The following ZNF804A variants were observed in gnomAD, a reference collection of about 807,000 sequenced individuals.
ZNF804A encodes zinc finger protein 804A.
Under a neutral mutation model 16.5 loss-of-function variants are expected in ZNF804A, and 2 were observed. That is an observed-to-expected ratio of 0.12 (90% confidence interval 0.05 to 0.38). The LOEUF is 0.38. Among genes scored for constraint, ZNF804A ranks in the 10% least tolerant of loss-of-function variants. The pLI, the probability that ZNF804A is intolerant of heterozygous loss-of-function variation, is 0.99. For synonymous variants in ZNF804A, 534 were observed against 489.6 expected, an observed-to-expected ratio of 1.09 and a Z score of -1.20; for missense variants, 1,473 against 1,390.7, an observed-to-expected ratio of 1.06 and a Z score of -0.94.
intron 2 of ZNF804A, among the ~76,000 whole-genome samples, chr2:184,892,060 G>T (rs1414783728): frequency 6.6e-6 from 1 of 152,108 alleles, no homozygotes. Context: ...CTTTATACGT[G>T]GGTAACATAG....
chr2:184,825,838 TC>T (rs1395360841), intron 1 of ZNF804A, among the ~76,000 whole-genome samples: 4 of 152,154 alleles, frequency 2.6e-5, no homozygotes, highest in African/African-American at 9.6e-5. Context: ...TGTGTATGCA[TC>T]CATGCCTTTT....
At chr2:184,867,030 T>C (rs770601805) in intron 2 of ZNF804A, among the ~76,000 whole-genome samples, 2 of 151,830 alleles carry the variant, frequency 1.3e-5, no homozygotes, top group Non-Finnish European at 2.9e-5. Flanking sequence ...AGGTTATTGA[T>C]TGAGTACTTA....
At chr2:184,735,699 G>T (rs556692141) in intron 1 of ZNF804A, among the ~76,000 whole-genome samples, 46 of 152,256 alleles carry the variant, frequency 3.0e-4, no homozygotes, top group East Asian at 7.7e-4. Flanking sequence ...CAGAGAAATT[G>T]CTCTTTAGCA....
chr2:184,737,205 C>T (rs1278586142), intron 1 of ZNF804A, among the ~76,000 whole-genome samples: 6 of 151,578 alleles, frequency 4.0e-5, no homozygotes, highest in Admixed American at 3.9e-4. Flanking sequence ...CACAGGCAAT[C>T]GCCACCATGC....
At chr2:184,649,481 C>A (rs1054400571) in intron 1 of ZNF804A, among the ~76,000 whole-genome samples, 5 of 151,544 alleles carry the variant, frequency 3.3e-5, no homozygotes, top group Admixed American at 2.0e-4. Context: ...TTAACAAAAC[C>A]AAAGCTTGGT....
At chr2:184,769,975 A>C (rs1036493190) in intron 1 of ZNF804A, among the ~76,000 whole-genome samples, 17 of 152,146 alleles carry the variant, frequency 1.1e-4, no homozygotes, top group Admixed American at 1.1e-3. Flanking sequence ...ACAAAGATAC[A>C]TAAATATTTT....
chr2:184,863,528 C>A (rs750418972), intron 1 of ZNF804A, among the ~76,000 whole-genome samples: 1 of 150,934 alleles, frequency 6.6e-6, no homozygotes, highest in Non-Finnish European at 1.5e-5. Flanking sequence ...CCAATTATTG[C>A]TTCTCTAGAG....
chr2:184,610,733 T>G (rs955999881), intron 1 of ZNF804A, among the ~76,000 whole-genome samples: 3 of 152,136 alleles, frequency 2.0e-5, no homozygotes, highest in Admixed American at 1.3e-4. Flanking sequence ...CATTTATAGT[T>G]GAGAAGAAAA....
chr2:184,729,295 C>A (rs1047597891), intron 1 of ZNF804A, among the ~76,000 whole-genome samples: 1 of 151,616 alleles, frequency 6.6e-6, no homozygotes, highest in Non-Finnish European at 1.5e-5. Flanking sequence ...TAAATATATA[C>A]AATTTTTACT....
intron 1 of ZNF804A, among the ~76,000 whole-genome samples, chr2:184,865,531 A>G (rs1268300895): frequency 6.6e-6 from 1 of 152,088 alleles, no homozygotes; most frequent in Non-Finnish European, 1.5e-5. Flanking sequence ...ATTATTTGTG[A>G]CACTTACTTC....
At chr2:184,619,201 C>T (rs755973541) in intron 1 of ZNF804A, among the ~76,000 whole-genome samples, 2 of 151,790 alleles carry the variant, frequency 1.3e-5, no homozygotes, top group Non-Finnish European at 2.9e-5. Flanking sequence ...ACCAAATTTA[C>T]GTGTAAAGAT....
At chr2:184,907,386 T>C (rs1472880611) in intron 2 of ZNF804A, among the ~76,000 whole-genome samples, 1 of 152,218 alleles carries the variant, frequency 6.6e-6, no homozygotes, top group East Asian at 1.9e-4. Flanking sequence ...TTCTTGTTTT[T>C]GACAATTACA....
At chr2:184,894,607 C>G (rs1193320636) in intron 2 of ZNF804A, among the ~76,000 whole-genome samples, 5 of 151,902 alleles carry the variant, frequency 3.3e-5, no homozygotes, top group Non-Finnish European at 5.9e-5. Flanking sequence ...TTATATATTA[C>G]TATATTGATA....
intron 1 of ZNF804A, among the ~76,000 whole-genome samples, chr2:184,764,220 T>C (rs1188387113): frequency 6.6e-6 from 1 of 152,010 alleles, no homozygotes; most frequent in African/African-American, 2.4e-5. Flanking sequence ...TTTTTTCTGG[T>C]CTACACACTA....
At chr2:184,867,884 C>G (rs1012742777) in intron 2 of ZNF804A, among the ~76,000 whole-genome samples, 3 of 152,008 alleles carry the variant, frequency 2.0e-5, no homozygotes, top group African/African-American at 7.2e-5. Context: ...TATTACTACA[C>G]ATATGTCTCA....
intron 1 of ZNF804A, among the ~76,000 whole-genome samples, chr2:184,726,491 A>G (rs896982452): frequency 6.6e-6 from 1 of 151,690 alleles, no homozygotes; most frequent in African/African-American, 2.4e-5. Context: ...AGAACTGTCG[A>G]AATTCAGAGA....
chr2:184,860,691 C>T (rs1695786546), intron 1 of ZNF804A, among the ~76,000 whole-genome samples: 1 of 152,174 alleles, frequency 6.6e-6, no homozygotes, highest in Non-Finnish European at 1.5e-5. Flanking sequence ...AGGTGGGTAC[C>T]AGCCTGGAAT....
intron 1 of ZNF804A, among the ~76,000 whole-genome samples, chr2:184,805,398 T>C (rs1466464531): frequency 6.6e-6 from 1 of 152,098 alleles, no homozygotes; most frequent in Non-Finnish European, 1.5e-5. Flanking sequence ...TAATGTCAGG[T>C]ATTTATGTCT....
intron 2 of ZNF804A, among the ~76,000 whole-genome samples, chr2:184,888,779 AG>A (rs1226362098): frequency 6.6e-6 from 1 of 152,138 alleles, no homozygotes; most frequent in African/African-American, 2.4e-5. Context: ...ATGGTAGAAA[AG>A]TTAGAACATG....
Sources: allele counts gnomAD v4.1 joint callset (sites outside exome capture counted in the v4.1 genomes callset), GRCh38; gene constraint gnomAD v4.1.1; transcripts MANE v1.5; gene names NCBI Gene and HGNC (gene_info 2026-07-23, HGNC 2026-07-21).